STAB2: variants seen among roughly 807,000 people sequenced by gnomAD.
STAB2 encodes the protein stabilin-2.
A neutral mutation model predicts 338.1 loss-of-function variants in STAB2; 288 were observed. The observed-to-expected ratio is 0.85, with a 90% CI of 0.77 to 0.94. The LOEUF is 0.94. STAB2 is among the 40% of genes least tolerant of loss of function. The pLI, the probability that STAB2 is intolerant of heterozygous loss-of-function variation, is 0.00. For synonymous variants in STAB2, 1,202 were observed against 1,193.3 expected, an observed-to-expected ratio of 1.01 and a Z score of -0.15; for missense variants, 3,141 against 3,210.1, an observed-to-expected ratio of 0.98 and a Z score of 0.52.
intron 54 of STAB2, 110 bp from the exon 55 acceptor site, chr12:103,740,520 C>A: frequency 6.9e-7 from 1 of 1,446,150 alleles, no homozygotes. Context: ...CTGGAAGTCC[C>A]ATTTTTTATT....
At chr12:103,707,912 T>TC (rs1879509076) in intron 38 of STAB2, among the ~76,000 whole-genome samples, 1 of 152,204 alleles carries the variant, frequency 6.6e-6, no homozygotes, top group Non-Finnish European at 1.5e-5. Flanking sequence ...TAAAATGGGA[T>TC]TTGTAGATGA....
intron 58 of STAB2, among the ~76,000 whole-genome samples, chr12:103,748,480 T>G (rs1883256454): frequency 6.6e-6 from 1 of 152,118 alleles, no homozygotes; most frequent in South Asian, 2.1e-4. Context: ...TTTAGCTGTT[T>G]TAGCTTTGTC....
At chr12:103,763,276 G>C in intron 67 of STAB2, 1 of 570,634 alleles carries the variant, frequency 1.8e-6, no homozygotes, top group Non-Finnish European at 3.1e-6. Flanking sequence ...GTGCCGATTT[G>C]GTGGTGATCA....
chr12:103,620,684 T>A, intron 4 of STAB2, 131 bp downstream of exon 4: 2 of 818,878 alleles, frequency 2.4e-6, no homozygotes, highest in Non-Finnish European at 3.8e-6. Context: ...GCGAAGTTCT[T>A]AAGCAGTGAA....
At chr12:103,702,867 A>G (rs1251018712) in intron 34 of STAB2, among the ~76,000 whole-genome samples, 1 of 152,246 alleles carries the variant, frequency 6.6e-6, no homozygotes, top group African/African-American at 2.4e-5. Flanking sequence ...GAAGATACCT[A>G]GAAATTATGT....
At chr12:103,653,654 C>G (rs1298637115) in intron 12 of STAB2, among the ~76,000 whole-genome samples, 12 of 30,004 alleles carry the variant, frequency 4.0e-4, no homozygotes, top group Admixed American at 1.2e-3. Flanking sequence ...ATGGATAGGT[C>G]ACTGGATGGA....
chr12:103,612,919 G>A (rs923476790), intron 3 of STAB2, among the ~76,000 whole-genome samples: 1 of 152,204 alleles, frequency 6.6e-6, no homozygotes, highest in African/African-American at 2.4e-5. Context: ...AGGACCCTCA[G>A]CTGCAGGTCT....
chr12:103,706,843 G>A lies in STAB2; in HGVS notation c.4048G>A (p.Gly1350Arg). Residue 1350 changes from glycine (G) to arginine (R), a missense_variant, in exon 38 of 69, where the codon GGG becomes AGG. Physicochemically the swap from Gly to Arg is moderately radical, Grantham distance 125. Transcript: ENST00000388887. ...TGGCCCCCAATGCCAGCCCTGCCCAGGGAATGCCCAGAATGTCTGCTTTGG... is the reference window on the plus strand; with the variant it reads ...TGGCCCCCAATGCCAGCCCTGCCCAAGGAATGCCCAGAATGTCTGCTTTGG... ...FFGPQCQPCPGNAQNVCFGNG... is the reference protein window; with the variant it reads ...FFGPQCQPCPRNAQNVCFGNG... 1 of 1,614,256 alleles carries A rather than the reference G, an allele frequency of 6.2e-7. No individual in the cohort carries two copies. The highest frequency in any genetic ancestry group is 8.5e-7 in the Non-Finnish European group (1 of 1,180,044).
chr12:103,722,880 C>T (rs978830955), intron 44 of STAB2, among the ~76,000 whole-genome samples: 7 of 152,096 alleles, frequency 4.6e-5, no homozygotes, highest in Non-Finnish European at 4.4e-5. Context: ...GGACCCAGAC[C>T]CCAGGTGGAG....
intron 1 of STAB2, among the ~76,000 whole-genome samples, chr12:103,589,029 G>A (rs1046936818): frequency 2.0e-5 from 3 of 152,152 alleles, no homozygotes; most frequent in African/African-American, 7.2e-5. Flanking sequence ...GTGACCTTGG[G>A]CAAGTCACTG....
In STAB2 at chr12:103,709,346, C is replaced by T. The variant is rs570444623; in HGVS notation, c.4288+810C>T. Among the ~76,000 whole-genome samples the T allele has an allele frequency of 8.5e-5, 13 of 152,224 alleles. No homozygotes were observed. The South Asian group carries it at 1.5e-3, about 17-fold the overall frequency. On this transcript the variant is annotated intron_variant, in intron 39 of 68. Transcript: ENST00000388887. The stretch of plus-strand genomic sequence containing the variant: ...AGAAAAGGCAGGAGCAGTGGGCAGG[C>T]GCCGGGCCGTGAAACGCTAAGGAGG...
chr12:103,620,446 T>A (rs761211747), intron 3 of STAB2, 22 bp from the exon 4 acceptor site: 1 of 1,563,686 alleles, frequency 6.4e-7, no homozygotes. Context: ...AATGAATACA[T>A]CTGAGCTGTT....
intron 39 of STAB2, among the ~76,000 whole-genome samples, chr12:103,710,485 ACTCC>A (rs1242461537): frequency 2.0e-5 from 3 of 152,082 alleles, no homozygotes; most frequent in South Asian, 2.1e-4. Context: ...CAATCATGAC[ACTCC>A]CTCCCTCTGT....
In STAB2 at chr12:103,705,696, G is replaced by C. The variant is rs542263803; in HGVS notation, c.3965G>C (p.Gly1322Ala). The C allele has an allele frequency of 8.7e-6, 14 of 1,614,118 alleles. No homozygotes were observed. In the African/African-American group the frequency reaches 1.9e-4, roughly 22 times the overall value. ...YFMGRRTLFI[G>A]CQPKCVRTVI... is the part of the protein sequence containing the mutation. ...ATGGGAAGACGAACCCTGTTTATTG[G>C]GTGCCAGCCAAAATGTGTGAGAACC... Residue 1322 changes from glycine (G) to alanine (A), a missense_variant, in exon 37 of 69, where the codon GGG (glycine) becomes GCG (alanine). Transcript: ENST00000388887.
chr12:103,719,230 T>C (rs575344877), intron 44 of STAB2, among the ~76,000 whole-genome samples: 1 of 152,332 alleles, frequency 6.6e-6, no homozygotes, highest in South Asian at 2.1e-4. Flanking sequence ...TGCATCAATG[T>C]CACATTCATA....
At chr12:103,669,686 T>A in intron 21 of STAB2, 59 bp downstream of exon 21, 1 of 1,487,950 alleles carries the variant, frequency 6.7e-7, no homozygotes, top group Non-Finnish European at 9.3e-7. Context: ...TTAGAACTTC[T>A]AAACCAAAAT....
chr12:103,618,237 C>T (rs866406092), intron 3 of STAB2, among the ~76,000 whole-genome samples: 36 of 152,102 alleles, frequency 2.4e-4, no homozygotes, highest in African/African-American at 7.7e-4. Flanking sequence ...AAGAACAGGG[C>T]CCTTATGGAT....
intron 1 of STAB2, among the ~76,000 whole-genome samples, chr12:103,589,037 C>T (rs1956756970): frequency 6.6e-6 from 1 of 152,194 alleles, no homozygotes; most frequent in East Asian, 1.9e-4. Flanking sequence ...GGGCAAGTCA[C>T]TGCAACACCC....
chr12:103,660,812 T>C, intron 17 of STAB2, 49 bp downstream of exon 17: 3 of 1,569,274 alleles, frequency 1.9e-6, no homozygotes, highest in Non-Finnish European at 1.8e-6. Context: ...ACATCTTTGC[T>C]CGATAATGAT....
Sources: gnomAD v4.1 joint callset for allele counts (sites outside exome capture counted in the v4.1 genomes callset) on GRCh38, gnomAD v4.1.1 for gene constraint, MANE v1.5 for transcripts, NCBI Gene and HGNC (gene_info 2026-07-23, HGNC 2026-07-21) for gene names.